CADM2: variants seen among roughly 807,000 people sequenced by gnomAD.
CADM2 encodes cell adhesion molecule 2, also known as immunoglobulin superfamily member 4D.
CADM2 carries 12 observed loss-of-function variants against 49.8 expected under a neutral mutation model. The observed-to-expected ratio is 0.24, with a 90% CI of 0.15 to 0.39. The LOEUF (loss-of-function observed/expected upper bound fraction) is 0.39. Ranked by LOEUF, CADM2 falls within the 10% of genes least tolerant of loss-of-function variation. The probability of loss-of-function intolerance (pLI) is 1.00; values close to 1 mark genes in which losing one functional copy is unlikely to be tolerated. For synonymous variants in CADM2, 214 were observed against 175.4 expected, an observed-to-expected ratio of 1.22 and a Z score of -1.74; for missense variants, 378 against 492.3, an observed-to-expected ratio of 0.77 and a Z score of 2.20.
At chr3:85,695,914 A>G (rs936292707) in intron 1 of CADM2, among the ~76,000 whole-genome samples, 24 of 152,070 alleles carry the variant, frequency 1.6e-4, no homozygotes, top group Admixed American at 4.6e-4. Flanking sequence ...CAATGCCAAC[A>G]TCAATTTTTT....
chr3:85,046,818 T>G (rs2035677091), intron 1 of CADM2, among the ~76,000 whole-genome samples: 1 of 152,100 alleles, frequency 6.6e-6, no homozygotes, highest in African/African-American at 2.4e-5. Flanking sequence ...TTAAATACTA[T>G]TCATTACATG....
At chr3:85,194,260 G>A (rs2041283431) in intron 1 of CADM2, among the ~76,000 whole-genome samples, 1 of 152,080 alleles carries the variant, frequency 6.6e-6, no homozygotes, top group East Asian at 1.9e-4. Context: ...GCAGGATGTT[G>A]CAAGACAAGG....
chr3:85,272,300 A>C (rs915461095), intron 1 of CADM2, among the ~76,000 whole-genome samples: 2 of 151,328 alleles, frequency 1.3e-5, no homozygotes, highest in Non-Finnish European at 3.0e-5. Flanking sequence ...ATGCAAGCCT[A>C]CACAAAATAA....
chr3:85,061,950 A>T (rs776464581), intron 1 of CADM2, among the ~76,000 whole-genome samples: 5 of 151,324 alleles, frequency 3.3e-5, no homozygotes, highest in Middle Eastern at 3.2e-3. Flanking sequence ...AAAGAAAAAA[A>T]ATATTTCAAG....
intron 1 of CADM2, among the ~76,000 whole-genome samples, chr3:85,469,815 A>G (rs538498961): frequency 6.6e-6 from 1 of 152,162 alleles, no homozygotes; most frequent in South Asian, 2.1e-4. Flanking sequence ...TTATTCACAA[A>G]AGTGTTGCAG....
intron 7 of CADM2, among the ~76,000 whole-genome samples, chr3:85,943,379 CT>C (rs1164682125): frequency 6.9e-6 from 1 of 144,018 alleles, no homozygotes; most frequent in Non-Finnish European, 1.5e-5. Context: ...GTTGCCATTG[CT>C]TTTGGTGTTT....
intron 3 of CADM2, among the ~76,000 whole-genome samples, chr3:85,842,526 G>A (rs553601779): frequency 2.0e-4 from 31 of 152,030 alleles, no homozygotes; most frequent in Admixed American, 6.6e-4. Flanking sequence ...TTAATTTCCT[G>A]TCCACAGTCT....
intron 8 of CADM2, among the ~76,000 whole-genome samples, chr3:86,025,994 G>A (rs1733862751): frequency 6.6e-6 from 1 of 151,974 alleles, no homozygotes; most frequent in Admixed American, 6.6e-5. Flanking sequence ...ATATGCTTAA[G>A]CTTATTATTT....
rs192952601 is a variant in CADM2 at position 85,316,823 on chromosome 3, G to A, written c.61+357155G>A. 1.9e-3 allele frequency among the ~76,000 whole-genome samples: 287 copies of A among 152,090 alleles called. 1 individual carries two copies. Among genetic ancestry groups the A allele is most frequent in the African/African-American group, 6.4e-3 (264 of 41,486 alleles). Reference sequence around the variant, plus strand: ...AAAATATAGCAACTATAACAAAAGCGCGTACATGCAGCTAATCTCAAAAGA... The same window carrying A: ...AAAATATAGCAACTATAACAAAAGCACGTACATGCAGCTAATCTCAAAAGA... On this transcript the variant is annotated intron_variant, in intron 1 of 9. Transcript: ENST00000383699.
At chr3:85,924,219 T>C (rs1157365914) in intron 6 of CADM2, among the ~76,000 whole-genome samples, 1 of 152,212 alleles carries the variant, frequency 6.6e-6, no homozygotes, top group East Asian at 1.9e-4. Flanking sequence ...GAACACAAAT[T>C]ATGAAATATC....
chr3:85,690,597 A>T (rs2066351138), intron 1 of CADM2, among the ~76,000 whole-genome samples: 2 of 152,152 alleles, frequency 1.3e-5, no homozygotes. Flanking sequence ...GATGAGGAGA[A>T]TTTGGAGTAT....
At chr3:85,032,083 C>G (rs959356694) in intron 1 of CADM2, among the ~76,000 whole-genome samples, 1 of 151,980 alleles carries the variant, frequency 6.6e-6, no homozygotes, top group Admixed American at 6.6e-5. Context: ...TACTGAGTTC[C>G]CTAATGATAA....
intron 1 of CADM2, among the ~76,000 whole-genome samples, chr3:85,535,806 A>G (rs1393489108): frequency 6.6e-6 from 1 of 152,136 alleles, no homozygotes; most frequent in Non-Finnish European, 1.5e-5. Context: ...CCTGGAAGCC[A>G]CTGAAGGGAA....
chr3:86,007,609 T>G (rs1219492975), intron 8 of CADM2, among the ~76,000 whole-genome samples: 2 of 152,154 alleles, frequency 1.3e-5, no homozygotes, highest in Admixed American at 6.6e-5. Flanking sequence ...GCTAAGCAAA[T>G]GCCATTTAAA....
At chr3:85,234,674 A>T (rs1476274630) in intron 1 of CADM2, among the ~76,000 whole-genome samples, 3 of 152,202 alleles carry the variant, frequency 2.0e-5, no homozygotes, top group Non-Finnish European at 2.9e-5. Context: ...AATACTGGTC[A>T]GTGATGATGA....
At chr3:85,460,947 G>A (rs1576596609) in intron 1 of CADM2, among the ~76,000 whole-genome samples, 1 of 152,150 alleles carries the variant, frequency 6.6e-6, no homozygotes, top group Non-Finnish European at 1.5e-5. Flanking sequence ...TTGAGAAAAA[G>A]TAAAGTCTGG....
intron 1 of CADM2, among the ~76,000 whole-genome samples, chr3:85,647,309 A>AT (rs1254942071): frequency 6.6e-6 from 1 of 151,810 alleles, no homozygotes; most frequent in African/African-American, 2.4e-5. Flanking sequence ...TCAAATATAG[A>AT]TAAACACGGA....
chr3:85,304,690 T>C (rs2044174083), intron 1 of CADM2, among the ~76,000 whole-genome samples: 1 of 151,826 alleles, frequency 6.6e-6, no homozygotes, highest in East Asian at 1.9e-4. Flanking sequence ...TAATTTAGAA[T>C]TGATTTGCAT....
At chr3:85,500,842 C>G (rs11922348) in intron 1 of CADM2, among the ~76,000 whole-genome samples, 6,165 of 152,056 alleles carry the variant, frequency 0.041, 417 homozygotes, top group African/African-American at 0.14. Flanking sequence ...GATGTGAACA[C>G]TTCCTATTGT....
Sources: gnomAD v4.1 joint callset for allele counts (sites outside exome capture counted in the v4.1 genomes callset) on GRCh38, gnomAD v4.1.1 for gene constraint, MANE v1.5 for transcripts, NCBI Gene and HGNC (gene_info 2026-07-23, HGNC 2026-07-21) for gene names.